MINK1: variants seen among roughly 807,000 people sequenced by gnomAD.
MINK1 encodes the protein misshapen like kinase 1, also known as misshapen-like kinase 1.
Under a neutral mutation model 178.4 loss-of-function variants are expected in MINK1, and 46 were observed. The ratio of observed to expected loss-of-function variants is 0.26; its 90% CI spans 0.20 to 0.33. The LOEUF (loss-of-function observed/expected upper bound fraction) is 0.33. Ranked by LOEUF, MINK1 falls within the 10% of genes least tolerant of loss-of-function variation. The pLI is 1.00. For missense variants in MINK1, 1,366 were observed against 1,814.9 expected, an observed-to-expected ratio of 0.75 and a Z score of 4.49; for synonymous variants, 797 against 709.7, an observed-to-expected ratio of 1.12 and a Z score of -1.96.
rs942333906 is a variant in MINK1 at position 4,895,614 on chromosome 17, T to C, written c.3230-84T>C. 1.3e-6 allele frequency: 2 copies of C among 1,566,210 alleles called. No individual in the cohort carries two copies. The highest frequency in any genetic ancestry group is 3.6e-5 in the Admixed American group (2 of 55,278). ...GGCCACACTTTCTCACCCCTTGTGGTATGCTGACAGAGGAGGCCAGGGCGG... is the reference window on the plus strand; with the variant it reads ...GGCCACACTTTCTCACCCCTTGTGGCATGCTGACAGAGGAGGCCAGGGCGG... On this transcript the variant is annotated intron_variant, in intron 26 of 31. Transcript: ENST00000355280. The surrounding 1 kb of genome is among the most constrained non-coding windows in gnomAD (Gnocchi z 4.3).
In MINK1 at chr17:4,891,122, A is replaced by G. The variant is rs1968746073; in HGVS notation, c.1738A>G (p.Lys580Glu). Residue 580 changes from lysine (K) to glutamate (E), a missense_variant and splice_region_variant, in exon 15 of 32, where the codon AAG (lysine) becomes GAG (glutamate). Lys to Glu is a moderately conservative substitution (Grantham distance 56). This residue lies in a region of MINK1 where 709 missense variants were observed against 692.3 expected (regional missense o/e 1.02). Coordinates refer to ENST00000355280, the MANE Select transcript of MINK1 (RefSeq NM_153827.5). ...RPVEPQEGPH[K>E]SLVAHRVPLK... ...GGTGGAGCCCCAGGAGGGACCGCAC[A>G]AGGTGAGTCTCTCCCCACCCCTGTC... 6.6e-7 allele frequency: 1 copy of G among 1,521,528 alleles called. No individual in the cohort carries two copies. The allele number at this position is 1,521,528 out of a possible 1,614,324, so 94.3% of individuals were successfully genotyped here. A position where few individuals can be genotyped will look rare whatever the true frequency, so the allele number is the denominator to read the frequency against.
rs752577719 is a variant in MINK1 at position 4,894,607 on chromosome 17, G to C, written c.2891G>C (p.Gly964Ala). Residue 964 changes from glycine (G) to alanine (A), a missense_variant, in exon 24 of 32, where the codon GGC (glycine) becomes GCC (alanine). Gly to Ala is a moderately conservative substitution (Grantham distance 60). This residue lies in a region of MINK1 where 709 missense variants were observed against 692.3 expected (regional missense o/e 1.02). Transcript: ENST00000355280. The surrounding 1 kb of genome is among the most constrained non-coding windows in gnomAD (Gnocchi z 4.1). ...GATCTAGGGATCTACCAGCCTGGAGGCAGTGGGGACAGCATCCCCATCACA... is the reference window on the plus strand; with the variant it reads ...GATCTAGGGATCTACCAGCCTGGAGCCAGTGGGGACAGCATCCCCATCACA... ...FVDLGIYQPGGSGDSIPITAL... is the reference protein window; with the variant it reads ...FVDLGIYQPGASGDSIPITAL... 1.2e-6 allele frequency: 2 copies of C among 1,607,260 alleles called. No individual in the cohort carries two copies. Among genetic ancestry groups the C allele is most frequent in the Admixed American group, 1.7e-5 (1 of 59,036 alleles).
At chr17:4,841,790 A>G (rs918451767) in intron 1 of MINK1, among the ~76,000 whole-genome samples, 1 of 151,958 alleles carries the variant, frequency 6.6e-6, no homozygotes, top group African/African-American at 2.4e-5. Context: ...ACTAGATTCA[A>G]TCCACAATTA....
At chr17:4,893,218 C>G in intron 20 of MINK1, 151 bp downstream of exon 20, 1 of 1,517,668 alleles carries the variant, frequency 6.6e-7, no homozygotes, top group Admixed American at 1.8e-5. Context: ...CTAACCTTTC[C>G]TAACCTCTCT....
rs1314674053 is a variant in MINK1, at chr17:4,896,834, G to A, written c.3915+21G>A. 7 of 1,542,650 alleles carry A rather than the reference G, an allele frequency of 4.5e-6. No individual in the cohort carries two copies. The highest frequency in any genetic ancestry group is 4.0e-5 in the Admixed American group (2 of 50,178). The stretch of plus-strand genomic sequence containing the variant: ...ACAAGGTGGGAGGCTCCTTCCCTCT[G>A]AAAGCCCTGCTGTCCCGGCTGCCAT... On this transcript the variant is annotated intron_variant, in intron 31 of 31. Coordinates refer to ENST00000355280, the MANE Select transcript of MINK1 (RefSeq NM_153827.5). This position sits in a 1 kb window ranked among gnomAD's most constrained non-coding sequence, Gnocchi z 4.6.
intron 1 of MINK1, among the ~76,000 whole-genome samples, chr17:4,838,464 A>G (rs1472328934): frequency 6.6e-6 from 1 of 152,164 alleles, no homozygotes; most frequent in African/African-American, 2.4e-5. Flanking sequence ...GCTGGGTAGA[A>G]TCCTGACTTC....
At chr17:4,888,989 C>T (rs1053876805) in intron 12 of MINK1, among the ~76,000 whole-genome samples, 5 of 152,092 alleles carry the variant, frequency 3.3e-5, no homozygotes, top group Middle Eastern at 3.2e-3. Context: ...TGTGAGCCAC[C>T]GCGCCCAGCC....
chr17:4,896,333 C>T lies in MINK1; in HGVS notation c.3606C>T (p.Ile1202=), dbSNP rs934715530. The T allele has an allele frequency of 1.4e-5, 23 of 1,599,064 alleles. No homozygotes were observed. Among genetic ancestry groups the T allele is most frequent in the Non-Finnish European group, 1.8e-5 (21 of 1,172,032 alleles). ...CGGGGAACAGCTATGACATCTACAT[C>T]CCTGTGCACGTGAGCTTGGCGGGGC... The part of the protein sequence containing the change: ...VDSGNSYDIY[I]PVHIQSQITP... Residue 1202 remains isoleucine (I), a synonymous_variant, in exon 29 of 32, where the codon ATC becomes ATT. Coordinates refer to ENST00000355280, the MANE Select transcript of MINK1 (RefSeq NM_153827.5). This position sits in a 1 kb window ranked among gnomAD's most constrained non-coding sequence, Gnocchi z 4.6.
chr17:4,857,194 C>A, intron 1 of MINK1: 1 of 315,276 alleles, frequency 3.2e-6, no homozygotes. Context: ...ATGATACCAG[C>A]CATGACCACT....
intron 1 of MINK1, among the ~76,000 whole-genome samples, chr17:4,854,460 G>A (rs1221849780): frequency 6.6e-6 from 1 of 152,194 alleles, no homozygotes; most frequent in African/African-American, 2.4e-5. Flanking sequence ...CCTTGCTCCA[G>A]GCAGGGCCCC....
intron 1 of MINK1, chr17:4,834,894 G>C (rs1597356995): frequency 1.9e-6 from 1 of 519,598 alleles, no homozygotes; most frequent in Middle Eastern, 3.2e-4. Flanking sequence ...GATATGGCTG[G>C]AGGGGAGAGG....
At position 4,895,689 on chromosome 17, in the gene MINK1, G is replaced by A. The variant is rs368453300; in HGVS notation, c.3230-9G>A. On this transcript the variant is annotated splice_polypyrimidine_tract_variant and intron_variant, in intron 26 of 31. Transcript: ENST00000355280. This position sits in a 1 kb window ranked among gnomAD's most constrained non-coding sequence, Gnocchi z 4.3. ...TGGGGGCGGGTGTGTATGTCTGTCC[G>A]TCCCTCAGGGAAAAGGAACAAACTG... 182 of 1,612,418 alleles carry A rather than the reference G, an allele frequency of 1.1e-4. No homozygotes were observed. The highest frequency in any genetic ancestry group is 3.9e-4 in the African/African-American group (29 of 75,006).
intron 21 of MINK1, 55 bp downstream of exon 21, chr17:4,893,652 G>A (rs1969112860): frequency 1.3e-6 from 2 of 1,491,922 alleles, no homozygotes; most frequent in Non-Finnish European, 1.8e-6. Context: ...GGGAGGGGAA[G>A]TGGCAGTGGG....
rs114671455 is a variant in MINK1, at chr17:4,889,590, G to A, written c.1231-57G>A. On this transcript the variant is annotated intron_variant, in intron 12 of 31. Coordinates refer to ENST00000355280, the MANE Select transcript of MINK1 (RefSeq NM_153827.5). The stretch of plus-strand genomic sequence containing the variant: ...GGGCTCCCCTCCCTGTCCATGGAGG[G>A]GCAGTGCTGACGCGATGTCCGGTAT... 9,472 of 1,399,872 alleles carry A rather than the reference G, an allele frequency of 6.8e-3. 491 individuals carry two copies. The African/African-American group carries it at 0.11, about 17-fold the overall frequency. The allele number at this position is 1,399,872 out of a possible 1,614,324, so 86.7% of individuals were successfully genotyped here. A position where few individuals can be genotyped will look rare whatever the true frequency, so the allele number is the denominator to read the frequency against.
intron 16 of MINK1, 33 bp downstream of exon 16, chr17:4,891,749 A>G (rs781111201): frequency 6.3e-6 from 10 of 1,576,986 alleles, no homozygotes; most frequent in Non-Finnish European, 6.0e-6. Flanking sequence ...AGGGAAAAGC[A>G]GAGAGCTAGT....
In MINK1 at chr17:4,889,611, G is replaced by A. The variant is rs114183815; in HGVS notation, c.1231-36G>A. On this transcript the variant is annotated intron_variant, in intron 12 of 31. Transcript: ENST00000355280. ...GAGGGGCAGTGCTGACGCGATGTCC[G>A]GTATGGTTCTTAAGACCACCTGGCT... The A allele has an allele frequency of 1.6e-3, 2,478 of 1,527,032 alleles. 35 individuals are homozygous for A. In the East Asian group the frequency reaches 0.034, roughly 21 times the overall value. 94.6% of individuals were successfully genotyped at this position (1,527,032 alleles called of 1,614,324 possible). A position where few individuals can be genotyped will look rare whatever the true frequency, so the allele number is the denominator to read the frequency against.
intron 13 of MINK1, chr17:4,890,190 C>T: frequency 9.4e-7 from 1 of 1,064,472 alleles, no homozygotes; most frequent in South Asian, 2.0e-5. Context: ...CTTCCCTGCC[C>T]TCTGCCCCCC....
chr17:4,896,203 A>G lies in MINK1; in HGVS notation c.3476A>G (p.Asp1159Gly), dbSNP rs1597594793. The change falls in exon 29 of 32, where the codon GAC (aspartate) becomes GGC (glycine). Residue 1159 changes from aspartate (D) to glycine (G), a missense_variant. This residue lies in a region of MINK1 where 201 missense variants were observed against 240.7 expected (regional missense o/e 0.84). Coordinates refer to ENST00000355280, the MANE Select transcript of MINK1 (RefSeq NM_153827.5). This position sits in a 1 kb window ranked among gnomAD's most constrained non-coding sequence, Gnocchi z 4.6. ...HKFMAFKSFA[D>G]LPHRPLLVDL... ...TCCGGTTCTCTGCAGTCCTTTGCCG[A>G]CCTCCCCCACCGCCCTCTGCTGGTC... The G allele has an allele frequency of 3.1e-6, 5 of 1,595,048 alleles. No homozygotes were observed. Among genetic ancestry groups the G allele is most frequent in the African/African-American group, 1.3e-5 (1 of 74,250 alleles).
rs1273498926 is a variant in MINK1, at chr17:4,853,582, A to T, written c.57+19942A>T. On this transcript the variant is annotated intron_variant, in intron 1 of 31. Coordinates refer to ENST00000355280, the MANE Select transcript of MINK1 (RefSeq NM_153827.5). Reference sequence around the variant, plus strand: ...CACTTGTTAGAGCCCTGGCTTTCTCATCTGTGCTCTGAGCTAGTCATTCCT... The same window carrying T: ...CACTTGTTAGAGCCCTGGCTTTCTCTTCTGTGCTCTGAGCTAGTCATTCCT... Among the ~76,000 whole-genome samples, 11 of 152,084 alleles carry T rather than the reference A, an allele frequency of 7.2e-5. No homozygotes were observed. In the South Asian group the frequency reaches 2.3e-3, roughly 32 times the overall value.
Sources: allele counts gnomAD v4.1 joint callset (sites outside exome capture counted in the v4.1 genomes callset), GRCh38; gene constraint gnomAD v4.1.1; regional missense constraint gnomAD v4.1.1; non-coding constraint Gnocchi (gnomAD v3.1); transcripts MANE v1.5; gene names NCBI Gene and HGNC (gene_info 2026-07-23, HGNC 2026-07-21).